Variants in CCDC50 observed in about 807,000 individuals in gnomAD.
The protein encoded by CCDC50 is coiled-coil domain-containing protein 50.
In CCDC50, 54 loss-of-function variants were observed where a neutral mutation model predicts 70.2. That is an observed-to-expected ratio of 0.77 (90% CI 0.62 to 0.96). The LOEUF (loss-of-function observed/expected upper bound fraction) is 0.96, where lower values mean the gene tolerates loss of function less well. CCDC50 is among the 50% of genes least tolerant of loss of function. The pLI, the probability that CCDC50 is intolerant of heterozygous loss-of-function variation, is 0.00. For synonymous variants in CCDC50, 216 were observed against 198.8 expected (o/e 1.09, Z -0.73); for missense variants, 558 against 578.7 (o/e 0.96, Z 0.37).
intron 1 of CCDC50, among the ~76,000 whole-genome samples, chr3:191,354,285 C>G (rs989984327): frequency 1.3e-5 from 2 of 152,100 alleles, no homozygotes; most frequent in Non-Finnish European, 2.9e-5. Flanking sequence ...GCACTCATGC[C>G]CCTCTTCGTC....
chr3:191,345,545 G>T (rs1427415334), intron 1 of CCDC50, among the ~76,000 whole-genome samples: 1 of 152,028 alleles, frequency 6.6e-6, no homozygotes, highest in Non-Finnish European at 1.5e-5. Flanking sequence ...TTACTCTGTG[G>T]TCGCTGATAA....
chr3:191,379,999 G>A (rs1248134101), intron 6 of CCDC50, among the ~76,000 whole-genome samples, 160 bp from the exon 7 acceptor site: 7 of 151,854 alleles, frequency 4.6e-5, no homozygotes, highest in Non-Finnish European at 2.9e-5. Context: ...CATTCCTAGG[G>A]CAAAAATATT....
chr3:191,344,813 A>G (rs1711854466), intron 1 of CCDC50, among the ~76,000 whole-genome samples: 1 of 152,170 alleles, frequency 6.6e-6, no homozygotes, highest in South Asian at 2.1e-4. Context: ...TCGGGAGCTC[A>G]GGCATTCTGC....
chr3:191,355,581 C>T (rs1560160919), intron 1 of CCDC50, among the ~76,000 whole-genome samples: 1 of 152,178 alleles, frequency 6.6e-6, no homozygotes, highest in Non-Finnish European at 1.5e-5. Flanking sequence ...CCTTAGAAAA[C>T]CCCTTCTTCC....
chr3:191,386,351 A>G (rs998332444), intron 10 of CCDC50, among the ~76,000 whole-genome samples: 4 of 150,174 alleles, frequency 2.7e-5, no homozygotes, highest in African/African-American at 7.4e-5. Flanking sequence ...CAGCCTCCCA[A>G]GTAACTGGGA....
rs369371376 is a variant in CCDC50 at position 191,369,773 on chromosome 3, T to A, written c.331-146T>A. The A allele has an allele frequency of 7.6e-5, 54 of 707,992 alleles. No homozygotes were observed. The East Asian group carries it at 8.7e-4, about 11-fold the overall frequency. 43.9% of individuals were successfully genotyped at this position (707,992 alleles called of 1,614,324 possible). The stretch of plus-strand genomic sequence containing the variant: ...ACTCCTGTTAAGCAGTCATCTGGCA[T>A]TTGAAGACATGAAATTAATGCCAGA... On this transcript the variant is annotated intron_variant, in intron 4 of 11. Transcript: ENST00000392455.
chr3:191,339,561 G>A (rs1471651470), intron 1 of CCDC50, among the ~76,000 whole-genome samples: 1 of 152,198 alleles, frequency 6.6e-6, no homozygotes, highest in Non-Finnish European at 1.5e-5. Flanking sequence ...GCCAATTTCA[G>A]TAGCAATCAT....
chr3:191,337,322 T>C (rs1332642505), intron 1 of CCDC50, among the ~76,000 whole-genome samples: 1 of 152,238 alleles, frequency 6.6e-6, no homozygotes, highest in Admixed American at 6.5e-5. Context: ...TTATTGTTGA[T>C]TGAACTCTTA....
intron 5 of CCDC50, among the ~76,000 whole-genome samples, chr3:191,372,411 C>T (rs1391591932): frequency 6.6e-6 from 1 of 152,066 alleles, no homozygotes; most frequent in Non-Finnish European, 1.5e-5. Context: ...TTAATATGCC[C>T]CTGTGTTAGA....
chr3:191,360,025 A>G (rs923946880), intron 3 of CCDC50, among the ~76,000 whole-genome samples: 1 of 152,214 alleles, frequency 6.6e-6, no homozygotes, highest in Non-Finnish European at 1.5e-5. Context: ...TCCTGGATGA[A>G]ATAAGTAAGC....
At chr3:191,339,521 A>G (rs1004785860) in intron 1 of CCDC50, among the ~76,000 whole-genome samples, 2 of 152,206 alleles carry the variant, frequency 1.3e-5, no homozygotes, top group African/African-American at 4.8e-5. Context: ...GTATTACATG[A>G]TAACCAAGCA....
intron 1 of CCDC50, among the ~76,000 whole-genome samples, chr3:191,333,648 G>A (rs1274299070): frequency 1.3e-5 from 2 of 152,104 alleles, no homozygotes; most frequent in African/African-American, 4.8e-5. Flanking sequence ...TGTCTTTTAT[G>A]TAATCAGCAA....
chr3:191,375,335 T>C lies in CCDC50; in HGVS notation c.722T>C (p.Ile241Thr), dbSNP rs1253433440. The change falls in exon 6 of 12, where the codon ATC (isoleucine) becomes ACC (threonine). Residue 241 changes from isoleucine (I) to threonine (T), a missense_variant. By Grantham distance (89) the Ile-to-Thr change is moderately conservative. Coordinates refer to ENST00000392455, the MANE Select transcript of CCDC50 (RefSeq NM_178335.3). ...ERPRRPLLPT[I>T]SGEVFLSTEC... ...CCTCGGAGACCTCTGCTTCCCACGA[T>C]CAGTGGTGAAGTGTTTCTGAGCACT... 1 of 1,613,652 alleles carries C rather than the reference T, an allele frequency of 6.2e-7. No individual in the cohort carries two copies. The highest frequency in any genetic ancestry group is 8.5e-7 in the Non-Finnish European group (1 of 1,179,808).
chr3:191,385,645 T>C (rs999916786), intron 10 of CCDC50, among the ~76,000 whole-genome samples: 3 of 151,508 alleles, frequency 2.0e-5, no homozygotes, highest in Admixed American at 6.6e-5. Context: ...AAATCTTTAG[T>C]TACATTAAGT....
chr3:191,341,742 C>T (rs1214576922), intron 1 of CCDC50, among the ~76,000 whole-genome samples: 1 of 152,184 alleles, frequency 6.6e-6, no homozygotes, highest in African/African-American at 2.4e-5. Context: ...TTACCCCACT[C>T]TTGTGAAACT....
chr3:191,376,327 T>C (rs1453098250), intron 6 of CCDC50, among the ~76,000 whole-genome samples: 1 of 152,194 alleles, frequency 6.6e-6, no homozygotes, highest in East Asian at 1.9e-4. Flanking sequence ...AAAGTACCAA[T>C]ACAGGTAAGT....
At chr3:191,334,421 C>T (rs1718078511) in intron 1 of CCDC50, among the ~76,000 whole-genome samples, 1 of 152,134 alleles carries the variant, frequency 6.6e-6, no homozygotes, top group Non-Finnish European at 1.5e-5. Context: ...TAACGGACGA[C>T]TCACACGTGG....
rs751477222 is a variant in CCDC50, at chr3:191,375,183, C to T, written c.570C>T (p.Asn190=). ...KKEKPEHPLE[N]LEEPEQHCSS... is the part of the protein sequence containing the mutation. The stretch of plus-strand genomic sequence containing the variant: ...AGAAACCAGAACATCCACTGGAGAA[C>T]TTGGAAGAGCCAGAACAACATTGTT... The change falls in exon 6 of 12, where the codon AAC becomes AAT. Residue 190 remains asparagine, a synonymous_variant. Transcript: ENST00000392455. 1.9e-6 allele frequency: 3 copies of T among 1,613,768 alleles called. No homozygotes were observed. Among genetic ancestry groups the T allele is most frequent in the Non-Finnish European group, 1.7e-6 (2 of 1,179,792 alleles).
At chr3:191,338,907 A>T (rs974611724) in intron 1 of CCDC50, among the ~76,000 whole-genome samples, 1 of 152,150 alleles carries the variant, frequency 6.6e-6, no homozygotes, top group Non-Finnish European at 1.5e-5. Context: ...CAGTAAAGTG[A>T]TATGGTCATT....
Sources: allele counts gnomAD v4.1 joint callset (sites outside exome capture counted in the v4.1 genomes callset), GRCh38; gene constraint gnomAD v4.1.1; transcripts MANE v1.5; gene names NCBI Gene and HGNC (gene_info 2026-07-23, HGNC 2026-07-21).